Variants in HIPK2 observed in about 807,000 individuals in gnomAD.
HIPK2 encodes the protein homeodomain interacting protein kinase 2, also known as homeodomain-interacting protein kinase 2.
A neutral mutation model predicts 113.7 loss-of-function variants in HIPK2; 27 were observed. That is an observed-to-expected ratio of 0.24 (90% CI 0.17 to 0.33). HIPK2 has a LOEUF of 0.33. Ranked by LOEUF, HIPK2 falls within the 10% of genes least tolerant of loss-of-function variation. The pLI is 1.00. For synonymous variants in HIPK2, 631 were observed against 642.2 expected (o/e 0.98, Z 0.26); for missense variants, 1,257 against 1,588.0 (o/e 0.79, Z 3.54).
At chr7:139,729,674 G>A (rs1795712529) in intron 1 of HIPK2, among the ~76,000 whole-genome samples, 1 of 152,108 alleles carries the variant, frequency 6.6e-6, no homozygotes, top group African/African-American at 2.4e-5. Context: ...TAAACGTGGT[G>A]GGATGAAAAA....
chr7:139,645,862 C>T (rs1015708663), intron 2 of HIPK2, among the ~76,000 whole-genome samples: 1 of 152,182 alleles, frequency 6.6e-6, no homozygotes, highest in Non-Finnish European at 1.5e-5. Context: ...CAAGAGCGAG[C>T]TCTCACGGTG....
In HIPK2 at chr7:139,563,952, C is replaced by T. The variant is rs1798020169; in HGVS notation, c.*8975G>A. The T allele has an allele frequency of 5.0e-6, 2 of 398,496 alleles. No homozygotes were observed. The highest frequency in any genetic ancestry group is 4.4e-5 in the Admixed American group (1 of 22,718). The allele number at this position is 398,496 out of a possible 1,614,324, so 24.7% of individuals were successfully genotyped here. A position where few individuals can be genotyped will look rare whatever the true frequency, so the allele number is the denominator to read the frequency against. On this transcript the variant is annotated 3_prime_UTR_variant, in exon 15 of 15. Transcript: ENST00000406875. Reference sequence around the variant, plus strand: ...TCAGGGAAACTGCCATTCCCCCAGTCTGTTTCTGCATGACAGTGGGGCCCA... The same window carrying T: ...TCAGGGAAACTGCCATTCCCCCAGTTTGTTTCTGCATGACAGTGGGGCCCA...
At chr7:139,769,356 T>TCTCCAC (rs1554459782) in intron 1 of HIPK2, among the ~76,000 whole-genome samples, 22 of 120,304 alleles carry the variant, frequency 1.8e-4, no homozygotes, top group African/African-American at 3.4e-4. Context: ...GGCCCACCCC[T>TCTCCAC]GGCTGTCTGG....
intron 9 of HIPK2, among the ~76,000 whole-genome samples, chr7:139,612,777 T>A (rs1477779523): frequency 6.6e-6 from 1 of 152,202 alleles, no homozygotes; most frequent in Non-Finnish European, 1.5e-5. Context: ...ACCATGAGCC[T>A]GGTTTTTCAA....
chr7:139,650,511 A>G (rs1801421875), intron 2 of HIPK2, among the ~76,000 whole-genome samples: 1 of 150,020 alleles, frequency 6.7e-6, no homozygotes, highest in African/African-American at 2.5e-5. Context: ...CCATTTGTTC[A>G]TAAGGGACCG....
chr7:139,765,034 G>T (rs1796530302), intron 1 of HIPK2, among the ~76,000 whole-genome samples: 1 of 151,966 alleles, frequency 6.6e-6, no homozygotes, highest in Non-Finnish European at 1.5e-5. Context: ...TAATCAGGAA[G>T]TTGAGGCAGG....
intron 12 of HIPK2, among the ~76,000 whole-genome samples, chr7:139,594,811 G>T (rs1799141685): frequency 6.6e-6 from 1 of 152,182 alleles, no homozygotes; most frequent in Non-Finnish European, 1.5e-5. Context: ...GTGGGACTCA[G>T]TAGCCACTGC....
At chr7:139,759,148 A>G (rs1248925495) in intron 1 of HIPK2, among the ~76,000 whole-genome samples, 2 of 152,228 alleles carry the variant, frequency 1.3e-5, no homozygotes, top group African/African-American at 2.4e-5. Flanking sequence ...CACACTCCAC[A>G]TAAAAATAAA....
At chr7:139,597,618 A>G (rs1799269378) in intron 11 of HIPK2, among the ~76,000 whole-genome samples, 1 of 152,248 alleles carries the variant, frequency 6.6e-6, no homozygotes, top group African/African-American at 2.4e-5. Context: ...ATAATTGCTA[A>G]AAACCTTAAA....
intron 2 of HIPK2, among the ~76,000 whole-genome samples, chr7:139,674,397 G>A (rs1033046753): frequency 5.3e-5 from 8 of 152,174 alleles, no homozygotes; most frequent in African/African-American, 1.2e-4. Context: ...TAGGTAAAAC[G>A]GTGACTTAAA....
Position 139,613,077 on chromosome 7 carries a change from C to A in HIPK2, c.2112+125G>T. 1 of 1,139,152 alleles carries A rather than the reference C, an allele frequency of 8.8e-7. No individual in the cohort carries two copies. The highest frequency in any genetic ancestry group is 1.2e-6 in the Non-Finnish European group (1 of 813,262). The allele number at this position is 1,139,152 out of a possible 1,614,324, so 70.6% of individuals were successfully genotyped here. On this transcript the variant is annotated intron_variant, in intron 9 of 14. Coordinates refer to ENST00000406875, the MANE Select transcript of HIPK2 (RefSeq NM_022740.5). This position sits in a 1 kb window ranked among gnomAD's most constrained non-coding sequence, Gnocchi z 4.2. ...GGGACCATTTAGAATATTACAGATACATTCCAATGACTAGAAGCACCTAAC... is the reference window on the plus strand; with the variant it reads ...GGGACCATTTAGAATATTACAGATAAATTCCAATGACTAGAAGCACCTAAC...
intron 13 of HIPK2, among the ~76,000 whole-genome samples, chr7:139,583,204 C>T (rs1798725896): frequency 6.6e-6 from 1 of 152,230 alleles, no homozygotes; most frequent in African/African-American, 2.4e-5. Flanking sequence ...CTACAGTGAG[C>T]CACTGAGTTT....
In HIPK2 at chr7:139,620,546, T is replaced by C; in HGVS notation, c.1637A>G (p.Gln546Arg). The C allele has an allele frequency of 6.2e-7, 1 of 1,614,126 alleles. No homozygotes were observed. The highest frequency in any genetic ancestry group is 1.3e-5 in the African/African-American group (1 of 75,022). Residue 546 changes from glutamine (Q) to arginine (R), a missense_variant, in exon 7 of 15, where the codon CAG (glutamine) becomes CGG (arginine). Gln to Arg is a conservative substitution (Grantham distance 43). Transcript: ENST00000406875. ...PHSTHVKSCF[Q>R]NMEICKRRVN... ...CCGACGCTTGCAGATCTCCATGTTCTGGAAACATGATTTGACGCTGTTCAT... is the reference window on the plus strand; with the variant it reads ...CCGACGCTTGCAGATCTCCATGTTCCGGAAACATGATTTGACGCTGTTCAT...
intron 9 of HIPK2, among the ~76,000 whole-genome samples, chr7:139,605,158 C>T (rs1044540450): frequency 2.0e-5 from 3 of 152,020 alleles, no homozygotes; most frequent in Admixed American, 6.6e-5. Context: ...GAGAGAGAGG[C>T]GGAAGTCACT....
At chr7:139,696,425 T>A (rs984454565) in intron 2 of HIPK2, among the ~76,000 whole-genome samples, 8 of 151,704 alleles carry the variant, frequency 5.3e-5, no homozygotes, top group Admixed American at 3.3e-4. Context: ...CTACAAAAAA[T>A]TTTAAAAACT....
Position 139,631,011 on chromosome 7 carries a change from T to G in HIPK2, c.1347+154A>C, listed in dbSNP as rs575300954. The G allele has an allele frequency of 1.2e-5, 7 of 587,214 alleles. No individual in the cohort carries two copies. In the African/African-American group the frequency reaches 1.4e-4, roughly 12 times the overall value. 36.4% of individuals were successfully genotyped at this position (587,214 alleles called of 1,614,324 possible). A position where few individuals can be genotyped will look rare whatever the true frequency, so the allele number is the denominator to read the frequency against. ...ATAGGCCAAGGGAAAGAGGGGCTTC[T>G]GAGCATTCAGATTCAGCCATACCAT... is the stretch of plus-strand genomic sequence containing the variant. On this transcript the variant is annotated intron_variant, in intron 4 of 14. Transcript: ENST00000406875. The surrounding 1 kb of genome is among the most constrained non-coding windows in gnomAD (Gnocchi z 4.9).
intron 2 of HIPK2, among the ~76,000 whole-genome samples, chr7:139,708,398 C>T (rs1486281601): frequency 6.6e-6 from 1 of 152,076 alleles, no homozygotes; most frequent in Non-Finnish European, 1.5e-5. Context: ...GAATTAGCTG[C>T]AGAGCTTGTC....
chr7:139,572,902 T>TCCCCCCCCCC lies in HIPK2; in HGVS notation c.*24_*25insGGGGGGGGGG. ...TCCCTCGGGCCATTCTCTCCCTCCCTCCCTCCCTCCCTCCCCTCCAGTGTT... is the reference window on the plus strand; with the variant it reads ...TCCCTCGGGCCATTCTCTCCCTCCCTCCCCCCCCCCCCCTCCCTCCCTCCCCTCCAGTGTT... On this transcript the variant is annotated 3_prime_UTR_variant, in exon 15 of 15. Coordinates refer to ENST00000406875, the MANE Select transcript of HIPK2 (RefSeq NM_022740.5). 3.3e-6 allele frequency: 1 copy of TCCCCCCCCCC among 301,394 alleles called. No individual in the cohort carries two copies. Among genetic ancestry groups the TCCCCCCCCCC allele is most frequent in the South Asian group, 3.1e-5 (1 of 32,544 alleles). The allele number at this position is 301,394 out of a possible 1,614,324, so 18.7% of individuals were successfully genotyped here. A position where few individuals can be genotyped will look rare whatever the true frequency, so the allele number is the denominator to read the frequency against.
intron 2 of HIPK2, among the ~76,000 whole-genome samples, chr7:139,652,391 A>T (rs888861680): frequency 2.0e-5 from 3 of 152,156 alleles, no homozygotes; most frequent in Non-Finnish European, 4.4e-5. Flanking sequence ...TTGAGTGATT[A>T]TGTAGTAAGT....
Sources: allele counts gnomAD v4.1 joint callset (sites outside exome capture counted in the v4.1 genomes callset), GRCh38; gene constraint gnomAD v4.1.1; non-coding constraint Gnocchi (gnomAD v3.1); transcripts MANE v1.5; gene names NCBI Gene and HGNC (gene_info 2026-07-23, HGNC 2026-07-21).